SCFD2: variants seen among roughly 807,000 people sequenced by gnomAD.
SCFD2 encodes sec1 family domain-containing protein 2.
A neutral mutation model predicts 58.9 loss-of-function variants in SCFD2; 54 were observed. The observed-to-expected ratio is 0.92, with a 90% CI of 0.74 to 1.15. The LOEUF is 1.15. SCFD2 is among the 50% of genes most tolerant of loss of function. SCFD2 has a pLI of 0.00. For missense variants in SCFD2, 805 were observed against 836.6 expected (o/e 0.96, Z 0.47); for synonymous variants, 321 against 335.9 (o/e 0.96, Z 0.49).
chr4:53,104,760 A>T (rs1266738971), intron 5 of SCFD2, among the ~76,000 whole-genome samples: 1 of 152,222 alleles, frequency 6.6e-6, no homozygotes, highest in Non-Finnish European at 1.5e-5. Flanking sequence ...TGTGCTAATC[A>T]TTACTGCAGA....
At chr4:52,923,096 T>C (rs1252048504) in intron 5 of SCFD2, among the ~76,000 whole-genome samples, 1 of 152,092 alleles carries the variant, frequency 6.6e-6, no homozygotes, top group Non-Finnish European at 1.5e-5. Flanking sequence ...CTGTGTGACA[T>C]TGTGTGTAAT....
intron 5 of SCFD2, among the ~76,000 whole-genome samples, chr4:53,092,247 T>TA (rs1724491935): frequency 6.6e-6 from 1 of 152,164 alleles, no homozygotes; most frequent in African/African-American, 2.4e-5. Context: ...ATTTGCCTGA[T>TA]AAAACACGTC....
intron 5 of SCFD2, among the ~76,000 whole-genome samples, chr4:52,926,839 A>G (rs909440515): frequency 1.3e-5 from 2 of 152,222 alleles, no homozygotes; most frequent in Non-Finnish European, 1.5e-5. Context: ...ACTGGGGGTC[A>G]TGACCTCCCC....
At chr4:53,171,967 ATTT>A (rs1447565377) in intron 4 of SCFD2, among the ~76,000 whole-genome samples, 1 of 149,276 alleles carries the variant, frequency 6.7e-6, no homozygotes, top group African/African-American at 2.4e-5. Flanking sequence ...TTATTTATTT[ATTT>A]ATTTATTTTT....
At position 53,358,403 on chromosome 4, in the gene SCFD2, C is replaced by T. The variant is rs535847535; in HGVS notation, c.839-5637G>A. ...CAAAACAAAAAAATACAAAAATTAG[C>T]TGGGCGTGGTGGTGGCTTTCCTGCC... On this transcript the variant is annotated intron_variant, in intron 1 of 8. Transcript: ENST00000401642. 2.0e-5 allele frequency among the ~76,000 whole-genome samples: 3 copies of T among 152,016 alleles called. No homozygotes were observed. The East Asian group carries it at 5.8e-4, about 29-fold the overall frequency.
intron 4 of SCFD2, among the ~76,000 whole-genome samples, chr4:53,248,985 C>T (rs1391180981): frequency 6.6e-6 from 1 of 152,170 alleles, no homozygotes; most frequent in African/African-American, 2.4e-5. Context: ...GAGAAGAAAG[C>T]TTCAGACGAT....
At chr4:53,094,085 T>A (rs1448212171) in intron 5 of SCFD2, among the ~76,000 whole-genome samples, 2 of 152,014 alleles carry the variant, frequency 1.3e-5, no homozygotes, top group African/African-American at 2.4e-5. Context: ...TTAGTAGGGG[T>A]ATAACATTAG....
intron 5 of SCFD2, among the ~76,000 whole-genome samples, chr4:53,140,018 A>G (rs1726079480): frequency 6.6e-6 from 1 of 151,696 alleles, no homozygotes; most frequent in Non-Finnish European, 1.5e-5. Flanking sequence ...CATGCTCGTT[A>G]AGAGTCATCA....
chr4:53,107,533 T>C (rs1725040834), intron 5 of SCFD2, among the ~76,000 whole-genome samples: 1 of 151,622 alleles, frequency 6.6e-6, no homozygotes, highest in Non-Finnish European at 1.5e-5. Context: ...TGGAGGGATA[T>C]TTAACAAACA....
chr4:52,884,509 C>T (rs1035114868), intron 8 of SCFD2, among the ~76,000 whole-genome samples: 8 of 152,118 alleles, frequency 5.3e-5, no homozygotes, highest in Admixed American at 3.9e-4. Flanking sequence ...CAGTGGACCG[C>T]GCCCAGAGCA....
intron 5 of SCFD2, among the ~76,000 whole-genome samples, chr4:53,056,173 T>A (rs1723333982): frequency 6.6e-6 from 1 of 151,900 alleles, no homozygotes. Context: ...ACAGACACAT[T>A]TTTTACATTG....
At chr4:52,970,424 C>G (rs1721069164) in intron 5 of SCFD2, among the ~76,000 whole-genome samples, 1 of 152,198 alleles carries the variant, frequency 6.6e-6, no homozygotes, top group Non-Finnish European at 1.5e-5. Flanking sequence ...TCATTGCTAG[C>G]ACAGCAGTCT....
intron 5 of SCFD2, among the ~76,000 whole-genome samples, chr4:53,073,567 A>T (rs962237531): frequency 2.0e-5 from 3 of 152,112 alleles, no homozygotes; most frequent in Non-Finnish European, 4.4e-5. Context: ...ATCCTCTGAA[A>T]ATGAGATCAA....
intron 2 of SCFD2, among the ~76,000 whole-genome samples, chr4:53,344,884 G>A (rs1445300042): frequency 1.3e-5 from 2 of 152,174 alleles, no homozygotes; most frequent in South Asian, 2.1e-4. Context: ...GCTGGGATAA[G>A]TGACTAGCCA....
chr4:53,182,304 G>C (rs1727589930), intron 4 of SCFD2, among the ~76,000 whole-genome samples: 1 of 152,110 alleles, frequency 6.6e-6, no homozygotes, highest in African/African-American at 2.4e-5. Flanking sequence ...CCAAAACAGA[G>C]ATATAGACCA....
intron 5 of SCFD2, among the ~76,000 whole-genome samples, chr4:52,931,613 G>A (rs1719997992): frequency 6.6e-6 from 1 of 152,210 alleles, no homozygotes; most frequent in Non-Finnish European, 1.5e-5. Context: ...TTACAGTGAG[G>A]AAATTTTAAT....
At chr4:52,975,254 T>G (rs1470216042) in intron 5 of SCFD2, among the ~76,000 whole-genome samples, 2 of 151,962 alleles carry the variant, frequency 1.3e-5, no homozygotes, top group African/African-American at 4.8e-5. Context: ...TGGGAGAAAA[T>G]TTTTGCAACC....
chr4:53,011,226 A>AC (rs962518652), intron 5 of SCFD2, among the ~76,000 whole-genome samples: 31 of 152,286 alleles, frequency 2.0e-4, no homozygotes, highest in African/African-American at 5.8e-4. Context: ...ATCTCTGTGC[A>AC]CCTTATGAAT....
intron 5 of SCFD2, chr4:52,948,653 C>T (rs1720505167): frequency 2.4e-6 from 1 of 417,200 alleles, no homozygotes; most frequent in South Asian, 1.7e-5. Flanking sequence ...TTTCCAACTC[C>T]TACTTATATA....
Sources: gnomAD v4.1 joint callset for allele counts (sites outside exome capture counted in the v4.1 genomes callset) on GRCh38, gnomAD v4.1.1 for gene constraint, MANE v1.5 for transcripts, NCBI Gene and HGNC (gene_info 2026-07-23, HGNC 2026-07-21) for gene names.